OR51B5: variants seen among roughly 807,000 people sequenced by gnomAD.
OR51B5 encodes olfactory receptor family 51 subfamily B member 5, also known as olfactory receptor 51B5.
For missense variants in OR51B5, 456 were observed against 374.6 expected (o/e 1.22, Z -1.79); for synonymous variants, 186 against 144.8 (o/e 1.28, Z -2.04).
chr11:5,373,845 C>G (rs7125477), intron 1 of OR51B5, among the ~76,000 whole-genome samples: 35,948 of 151,428 alleles, frequency 0.24, 4,483 homozygotes, highest in Non-Finnish European at 0.26. Context: ...ACTGGGTGGA[C>G]CCCACCACAG....
chr11:5,358,522 G>A (rs556923630), intron 1 of OR51B5, among the ~76,000 whole-genome samples: 1 of 152,276 alleles, frequency 6.6e-6, no homozygotes, highest in Admixed American at 6.5e-5. Context: ...ACCAAAAACA[G>A]TCCAGGACCA....
intron 1 of OR51B5, among the ~76,000 whole-genome samples, chr11:5,472,187 G>A (rs1241935805): frequency 6.6e-6 from 1 of 152,164 alleles, no homozygotes; most frequent in Non-Finnish European, 1.5e-5. Flanking sequence ...AGCCAGCATA[G>A]TGGCAGTTCA....
chr11:5,359,278 A>G (rs1400735010), intron 1 of OR51B5, among the ~76,000 whole-genome samples: 1 of 149,326 alleles, frequency 6.7e-6, no homozygotes, highest in East Asian at 1.9e-4. Flanking sequence ...TTAAACTGAT[A>G]GGCAACTTCA....
intron 1 of OR51B5, among the ~76,000 whole-genome samples, chr11:5,363,110 T>C (rs903614410): frequency 6.6e-6 from 1 of 151,980 alleles, no homozygotes; most frequent in Non-Finnish European, 1.5e-5. Flanking sequence ...GAGAGAAAGC[T>C]TAAGGGAAGA....
At chr11:5,413,667 G>C (rs1004903269) in intron 1 of OR51B5, among the ~76,000 whole-genome samples, 3 of 152,166 alleles carry the variant, frequency 2.0e-5, no homozygotes, top group Non-Finnish European at 4.4e-5. Flanking sequence ...GCAATCAACT[G>C]GAAGAAAGGG....
chr11:5,489,595 G>A, intron 1 of OR51B5: 1 of 1,614,014 alleles, frequency 6.2e-7, no homozygotes. Flanking sequence ...TATTCTCTAT[G>A]GAGCTAGAAC....
intron 1 of OR51B5, among the ~76,000 whole-genome samples, chr11:5,377,632 T>A (rs1216470657): frequency 1.3e-5 from 2 of 152,112 alleles, no homozygotes; most frequent in African/African-American, 4.8e-5. Flanking sequence ...ACAAAACCAA[T>A]GTGCAAAAAT....
intron 1 of OR51B5, chr11:5,422,493 C>G (rs1335245975): frequency 6.2e-7 from 1 of 1,614,034 alleles, no homozygotes; most frequent in African/African-American, 1.3e-5. Flanking sequence ...AGCTCTGAGG[C>G]CTGTTTTGCT....
chr11:5,408,033 A>C (rs1850085689), intron 1 of OR51B5, among the ~76,000 whole-genome samples: 1 of 152,130 alleles, frequency 6.6e-6, no homozygotes. Flanking sequence ...ATATTTTCAC[A>C]GGGCTTATGA....
rs1195102892 is a variant in OR51B5 at position 5,342,750 on chromosome 11, TCAGAGACAATC to T, written c.764_774del (p.Gly255AspfsTer33). The T allele has an allele frequency of 2.5e-6, 4 of 1,613,768 alleles. No individual in the cohort carries two copies. The South Asian group carries it at 3.3e-5, about 13-fold the overall frequency. On this transcript the variant is annotated frameshift_variant, in exon 1 of 1. Coordinates refer to ENST00000300773, the Ensembl canonical transcript of OR51B5. LOFTEE classifies it low-confidence loss of function (END_TRUNC). ...GGAACCTGCTTTCCAAAACGATGAA[TCAGAGACAATC>T]CAATCACTGTGACATAAAAAACCAG... is the stretch of plus-strand genomic sequence containing the variant.
chr11:5,498,092 G>C (rs389754), intron 1 of OR51B5, among the ~76,000 whole-genome samples: 148,682 of 152,278 alleles, frequency 0.98, 72,683 homozygotes, highest in East Asian at 1. Flanking sequence ...CAGCTAGTGA[G>C]GCCTCCCTAA....
chr11:5,379,976 C>A (rs1202384404), intron 1 of OR51B5, among the ~76,000 whole-genome samples: 1 of 145,820 alleles, frequency 6.9e-6, no homozygotes, highest in Admixed American at 6.9e-5. Flanking sequence ...GAATCATGAA[C>A]CAAACAAAAC....
chr11:5,391,737 T>C (rs7395640), intron 1 of OR51B5: 119,980 of 151,994 alleles, frequency 0.79, 47,725 homozygotes, highest in Middle Eastern at 0.84. Context: ...AGGTTAAAAT[T>C]ACCATGAGGC....
intron 1 of OR51B5, chr11:5,422,407 C>A (rs780761727): frequency 1.2e-6 from 2 of 1,614,116 alleles, no homozygotes; most frequent in South Asian, 1.1e-5. Flanking sequence ...CCATGCTGGC[C>A]CTGACGGACC....
intron 1 of OR51B5, among the ~76,000 whole-genome samples, chr11:5,396,830 A>G (rs1196691390): frequency 6.6e-6 from 1 of 152,228 alleles, no homozygotes; most frequent in African/African-American, 2.4e-5. Context: ...TAACCAAAAC[A>G]GCATAGTACT....
chr11:5,415,748 C>G (rs10742674), intron 1 of OR51B5, among the ~76,000 whole-genome samples: 124,740 of 151,858 alleles, frequency 0.82, 52,059 homozygotes, highest in Non-Finnish European at 0.89. Context: ...TCTCTGAATA[C>G]ACCAATAACA....
chr11:5,399,502 C>G (rs573577984), intron 1 of OR51B5, among the ~76,000 whole-genome samples: 12 of 152,208 alleles, frequency 7.9e-5, no homozygotes, highest in African/African-American at 2.9e-4. Flanking sequence ...TAAAGTTATA[C>G]CGAACATAAG....
intron 1 of OR51B5, among the ~76,000 whole-genome samples, chr11:5,478,071 C>A (rs1000097340): frequency 6.6e-6 from 1 of 151,784 alleles, no homozygotes; most frequent in Non-Finnish European, 1.5e-5. Flanking sequence ...CACAGACAAA[C>A]AAAAAGACAG....
chr11:5,391,823 T>G (rs554921549), intron 1 of OR51B5: 1 of 152,382 alleles, frequency 6.6e-6, no homozygotes, highest in East Asian at 1.9e-4. Flanking sequence ...GCCAGGAGTT[T>G]GAGACCAACT....
Sources: allele counts gnomAD v4.1 joint callset (sites outside exome capture counted in the v4.1 genomes callset), GRCh38; gene constraint gnomAD v4.1.1; transcripts MANE v1.5; gene names NCBI Gene and HGNC (gene_info 2026-07-23, HGNC 2026-07-21).